CCAR1: variants seen among roughly 807,000 people sequenced by gnomAD.
CCAR1 encodes cell division cycle and apoptosis regulator protein 1.
A neutral mutation model predicts 163.8 loss-of-function variants in CCAR1; 78 were observed. The ratio of observed to expected loss-of-function variants is 0.48; its 90% confidence interval spans 0.40 to 0.57. The LOEUF (loss-of-function observed/expected upper bound fraction) is 0.57, where lower values mean the gene tolerates loss of function less well. Ranked by LOEUF, CCAR1 falls within the 20% of genes least tolerant of loss-of-function variation. The pLI is 0.00. For missense variants in CCAR1, 1,019 were observed against 1,365.2 expected (o/e 0.75, Z 4.00); for synonymous variants, 443 against 460.7 (o/e 0.96, Z 0.49).
At chr10:68,724,518 G>A (rs2055912795) in intron 2 of CCAR1, among the ~76,000 whole-genome samples, 1 of 152,014 alleles carries the variant, frequency 6.6e-6, no homozygotes, top group Non-Finnish European at 1.5e-5. Context: ...TTGAACTTTT[G>A]GGCTCACGCG....
intron 10 of CCAR1, among the ~76,000 whole-genome samples, chr10:68,749,948 G>C (rs1283351217): frequency 1.3e-5 from 2 of 152,120 alleles, no homozygotes; most frequent in African/African-American, 4.8e-5. Context: ...CCTAAAGTTA[G>C]AATCAGTTAA....
intron 16 of CCAR1, among the ~76,000 whole-genome samples, chr10:68,762,614 C>G (rs938447442): frequency 2.0e-5 from 3 of 152,162 alleles, no homozygotes; most frequent in African/African-American, 7.2e-5. Context: ...GGATAAGCCA[C>G]ATAATCAGTT....
At chr10:68,726,501 C>T (rs748822077) in intron 2 of CCAR1, among the ~76,000 whole-genome samples, 1 of 152,114 alleles carries the variant, frequency 6.6e-6, no homozygotes, top group African/African-American at 2.4e-5. Context: ...TACCATAGAT[C>T]CTTACTTCCC....
intron 18 of CCAR1, among the ~76,000 whole-genome samples, chr10:68,771,675 G>C (rs1223867443): frequency 1.3e-5 from 2 of 151,854 alleles, no homozygotes; most frequent in African/African-American, 4.8e-5. Flanking sequence ...CCTAGCTATT[G>C]GGGAGGCAGA....
intron 17 of CCAR1, 94 bp downstream of exon 17, chr10:68,766,173 T>C: frequency 1.2e-6 from 1 of 847,340 alleles, no homozygotes; most frequent in Non-Finnish European, 1.8e-6. Context: ...TTCTTTGTTT[T>C]TCGCTTTTCG....
intron 2 of CCAR1, among the ~76,000 whole-genome samples, chr10:68,722,879 G>A (rs2055879430): frequency 6.6e-6 from 1 of 151,828 alleles, no homozygotes; most frequent in Non-Finnish European, 1.5e-5. Context: ...CTGAGATCGC[G>A]CCACTGCACT....
At chr10:68,723,389 G>A (rs867710232) in intron 2 of CCAR1, among the ~76,000 whole-genome samples, 215 of 150,282 alleles carry the variant, frequency 1.4e-3, no homozygotes, top group African/African-American at 5.1e-3. Context: ...TCGGCCTCCC[G>A]AAGTGCTGGG....
intron 2 of CCAR1, among the ~76,000 whole-genome samples, chr10:68,724,731 G>A (rs1219155061): frequency 1.3e-5 from 2 of 152,180 alleles, no homozygotes; most frequent in African/African-American, 4.8e-5. Flanking sequence ...GTTGCAGTGA[G>A]CCATGATGGT....
chr10:68,754,965 A>AG (rs2056380516), intron 12 of CCAR1, 138 bp downstream of exon 12: 1 of 606,732 alleles, frequency 1.6e-6, no homozygotes, highest in Non-Finnish European at 2.9e-6. Context: ...CCCAGAATTT[A>AG]ATGATGTAGA....
At chr10:68,741,603 A>T (rs1473518509) in intron 5 of CCAR1, among the ~76,000 whole-genome samples, 2 of 152,214 alleles carry the variant, frequency 1.3e-5, no homozygotes, top group African/African-American at 4.8e-5. Flanking sequence ...ACCTCTTTGT[A>T]TACTGATATG....
chr10:68,735,530 G>A (rs1208336410), intron 2 of CCAR1, among the ~76,000 whole-genome samples: 1 of 151,930 alleles, frequency 6.6e-6, no homozygotes, highest in Admixed American at 6.6e-5. Context: ...TCAGCCCCCT[G>A]AGTAGGTGGG....
intron 19 of CCAR1, among the ~76,000 whole-genome samples, chr10:68,782,859 G>T (rs1233962496): frequency 3.3e-5 from 5 of 152,118 alleles, no homozygotes; most frequent in Admixed American, 2.0e-4. Context: ...CAGAAAAAAA[G>T]ATTCTTTTCA....
intron 2 of CCAR1, among the ~76,000 whole-genome samples, chr10:68,733,084 C>G (rs554544956): frequency 1.3e-5 from 2 of 152,186 alleles, no homozygotes; most frequent in South Asian, 4.1e-4. Context: ...TTCTCCCTAC[C>G]TATGACATCT....
rs1215756897 is a variant in CCAR1 at position 68,739,315 on chromosome 10, A to G, written c.292-1314A>G. Among the ~76,000 whole-genome samples, 3 of 152,210 alleles carry G rather than the reference A, an allele frequency of 2.0e-5. No homozygotes were observed. The East Asian group carries it at 5.8e-4, about 29-fold the overall frequency. On this transcript the variant is annotated intron_variant, in intron 4 of 24. Coordinates refer to ENST00000265872, the MANE Select transcript of CCAR1 (RefSeq NM_018237.4). Reference sequence around the variant, plus strand: ...CAGGTGCATGCCACTAGGCCCGCCTAATTTTTTCTATTTTTAGTAGAGACA... The same window carrying G: ...CAGGTGCATGCCACTAGGCCCGCCTGATTTTTTCTATTTTTAGTAGAGACA...
chr10:68,782,513 A>C (rs998996976), intron 19 of CCAR1, among the ~76,000 whole-genome samples: 1 of 152,188 alleles, frequency 6.6e-6, no homozygotes, highest in African/African-American at 2.4e-5. Flanking sequence ...TTTTCAATGG[A>C]GACAAAACAG....
intron 19 of CCAR1, among the ~76,000 whole-genome samples, chr10:68,780,960 G>A (rs1361563382): frequency 6.6e-6 from 1 of 152,138 alleles, no homozygotes; most frequent in Non-Finnish European, 1.5e-5. Flanking sequence ...TGCCAGGCAC[G>A]GTGGCTCACG....
chr10:68,757,413 T>C, intron 15 of CCAR1, 36 bp downstream of exon 15: 2 of 1,231,446 alleles, frequency 1.6e-6, no homozygotes, highest in Non-Finnish European at 2.4e-6. Flanking sequence ...TTTATTTTTT[T>C]CAATTAAAAA....
intron 10 of CCAR1, among the ~76,000 whole-genome samples, chr10:68,751,039 T>G (rs150352816): frequency 0.016 from 2,472 of 151,956 alleles, 31 homozygotes; most frequent in Non-Finnish European, 0.024. Flanking sequence ...TTTTGTTTTT[T>G]TTTTTGAGAT....
In CCAR1 at chr10:68,756,291, T is replaced by G; in HGVS notation, c.1644T>G (p.Ile548Met). The change falls in exon 14 of 25, where the codon ATT (isoleucine) becomes ATG (methionine). Residue 548 changes from isoleucine to methionine, a missense_variant. Around this residue, in one of 4 missense-constraint regions of CCAR1, gnomAD observed 644 missense variants for 904.4 expected, o/e 0.71. Transcript: ENST00000265872. The surrounding 1 kb of genome is among the most constrained non-coding windows in gnomAD (Gnocchi z 5.1). Reference sequence around the variant, plus strand: ...GCAACAGGTACCGTTTTGCAGAGATTCGCTACCATCGCCCTGAGGAGACCC... The same window carrying G: ...GCAACAGGTACCGTTTTGCAGAGATGCGCTACCATCGCCCTGAGGAGACCC... Reference protein sequence around the residue: ...VCTQWYRFAEIRYHRPEETHK... With the variant: ...VCTQWYRFAEMRYHRPEETHK... 2 of 1,613,998 alleles carry G rather than the reference T, an allele frequency of 1.2e-6. No individual in the cohort carries two copies. The highest frequency in any genetic ancestry group is 1.1e-5 in the South Asian group (1 of 91,072).
Sources: allele counts gnomAD v4.1 joint callset (sites outside exome capture counted in the v4.1 genomes callset), GRCh38; gene constraint gnomAD v4.1.1; regional missense constraint gnomAD v4.1.1; non-coding constraint Gnocchi (gnomAD v3.1); transcripts MANE v1.5; gene names NCBI Gene and HGNC (gene_info 2026-07-23, HGNC 2026-07-21).